Variants in COMMD10 observed in about 807,000 individuals in gnomAD.
COMMD10 encodes the protein COMM domain-containing protein 10.
A neutral mutation model predicts 28.9 loss-of-function variants in COMMD10; 33 were observed. That is an observed-to-expected ratio of 1.14 (90% confidence interval 0.87 to 1.53). The LOEUF is 1.53. Ranked by LOEUF, COMMD10 falls within the 40% of genes most tolerant of loss-of-function variation. COMMD10 has a pLI of 0.00. For synonymous variants in COMMD10, 110 were observed against 81.7 expected (o/e 1.35, Z -1.87); for missense variants, 310 against 233.4 (o/e 1.33, Z -2.14).
chr5:116,219,376 G>A (rs1749187247), intron 5 of COMMD10, among the ~76,000 whole-genome samples: 1 of 152,244 alleles, frequency 6.6e-6, no homozygotes, highest in African/African-American at 2.4e-5. Flanking sequence ...CTGCTACTCT[G>A]TGGACTGTGT....
In COMMD10 at chr5:116,122,742, A is replaced by C. The variant is rs531981211; in HGVS notation, c.400-11326A>C. ...CTAGGTATTTTATTCTCTTTGAAGC[A>C]ATTGTGAATGGGAGTTCACTCATGA... On this transcript the variant is annotated intron_variant, in intron 4 of 6. Coordinates refer to ENST00000274458, the MANE Select transcript of COMMD10 (RefSeq NM_016144.4). Among the ~76,000 whole-genome samples, 299 of 152,304 alleles carry C rather than the reference A, an allele frequency of 2.0e-3. 3 individuals carry two copies. Among genetic ancestry groups the C allele is most frequent in the African/African-American group, 6.7e-3 (279 of 41,568 alleles).
intron 2 of COMMD10, 111 bp from the exon 3 acceptor site, chr5:116,090,968 A>G (rs147730473): frequency 3.5e-5 from 20 of 578,144 alleles, no homozygotes; most frequent in Middle Eastern, 4.0e-4. Context: ...TTCACCATGT[A>G]TTTTTCTTTA....
chr5:116,108,761 C>G (rs1180870600), intron 4 of COMMD10, among the ~76,000 whole-genome samples: 1 of 150,662 alleles, frequency 6.6e-6, no homozygotes, highest in African/African-American at 2.4e-5. Context: ...ACTCCTGCAG[C>G]TAGCCTGGTG....
intron 5 of COMMD10, chr5:116,218,259 C>G (rs1378476892): frequency 4.3e-5 from 32 of 742,750 alleles, no homozygotes; most frequent in Non-Finnish European, 6.8e-5. Context: ...TTGGCTTTAT[C>G]TCCTTTAGCA....
chr5:116,266,891 C>T (rs1750601636), intron 5 of COMMD10, among the ~76,000 whole-genome samples: 1 of 151,876 alleles, frequency 6.6e-6, no homozygotes, highest in Admixed American at 6.6e-5. Context: ...TGACAAAATT[C>T]AACAGCCGTT....
intron 2 of COMMD10, 148 bp downstream of exon 2, chr5:116,087,735 G>A (rs1750155238): frequency 3.3e-6 from 2 of 609,572 alleles, no homozygotes; most frequent in East Asian, 5.5e-5. Flanking sequence ...AATGTTTCAT[G>A]GTCAGAAGTT....
intron 4 of COMMD10, among the ~76,000 whole-genome samples, chr5:116,104,225 A>C (rs1750759317): frequency 1.3e-5 from 2 of 152,194 alleles, no homozygotes; most frequent in Admixed American, 1.3e-4. Context: ...TGAATCTATA[A>C]ATTACTTTGG....
chr5:116,126,002 A>G (rs1751619030), intron 4 of COMMD10, among the ~76,000 whole-genome samples: 1 of 152,212 alleles, frequency 6.6e-6, no homozygotes, highest in Admixed American at 6.5e-5. Context: ...CTGTTTGCAG[A>G]TGAGATGATT....
chr5:116,192,071 C>A (rs1748385782), intron 5 of COMMD10, among the ~76,000 whole-genome samples: 1 of 151,934 alleles, frequency 6.6e-6, no homozygotes, highest in Non-Finnish European at 1.5e-5. Flanking sequence ...GTAATCACTG[C>A]ACACAGTAAT....
chr5:116,258,211 G>A (rs28654138), intron 5 of COMMD10, among the ~76,000 whole-genome samples: 56,770 of 151,334 alleles, frequency 0.38, 13,243 homozygotes, highest in African/African-American at 0.66. Flanking sequence ...TTCTCTTACC[G>A]AATTTCAATA....
At chr5:116,277,450 C>G (rs371622608) in intron 5 of COMMD10, among the ~76,000 whole-genome samples, 9 of 151,940 alleles carry the variant, frequency 5.9e-5, no homozygotes, top group South Asian at 2.1e-4. Context: ...AAATTTTCTT[C>G]TGGATAGTTA....
At chr5:116,254,376 T>A (rs1319431587) in intron 5 of COMMD10, among the ~76,000 whole-genome samples, 1 of 152,054 alleles carries the variant, frequency 6.6e-6, no homozygotes. Context: ...TCTAGTTCTT[T>A]TAATTGTGAT....
intron 5 of COMMD10, among the ~76,000 whole-genome samples, chr5:116,171,729 C>A (rs1389922762): frequency 1.3e-5 from 2 of 152,062 alleles, no homozygotes; most frequent in Non-Finnish European, 2.9e-5. Flanking sequence ...AACACAGGAA[C>A]AGAAAACCAA....
chr5:116,289,668 T>C (rs528829221), intron 5 of COMMD10, among the ~76,000 whole-genome samples: 1 of 151,916 alleles, frequency 6.6e-6, no homozygotes, highest in South Asian at 2.1e-4. Context: ...AGCTCTGGCA[T>C]GGGGGGTGGT....
chr5:116,113,161 T>G (rs566958898), intron 4 of COMMD10, among the ~76,000 whole-genome samples: 2 of 152,326 alleles, frequency 1.3e-5, no homozygotes, highest in South Asian at 4.1e-4. Flanking sequence ...TCCTGCCTTG[T>G]AAGGTTTCTG....
chr5:116,181,158 T>C (rs531841594), intron 5 of COMMD10, among the ~76,000 whole-genome samples: 21 of 152,076 alleles, frequency 1.4e-4, no homozygotes, highest in African/African-American at 4.8e-4. Context: ...AATTATAAAA[T>C]AAAAAAGTCT....
intron 5 of COMMD10, among the ~76,000 whole-genome samples, chr5:116,134,917 G>A (rs866237053): frequency 5.0e-4 from 74 of 149,374 alleles, no homozygotes; most frequent in African/African-American, 1.7e-3. Context: ...CACCGCGCCC[G>A]GCCTACAATT....
At chr5:116,187,117 A>T (rs1403541723) in intron 5 of COMMD10, among the ~76,000 whole-genome samples, 3 of 152,144 alleles carry the variant, frequency 2.0e-5, no homozygotes, top group Non-Finnish European at 4.4e-5. Context: ...CAAAACAAAA[A>T]ACTTTAAAAA....
chr5:116,256,495 A>C (rs926245333), intron 5 of COMMD10, among the ~76,000 whole-genome samples: 3 of 151,674 alleles, frequency 2.0e-5, no homozygotes, highest in Non-Finnish European at 2.9e-5. Flanking sequence ...AAGAATCTTG[A>C]TTAATGGTTC....
Sources: allele counts gnomAD v4.1 joint callset (sites outside exome capture counted in the v4.1 genomes callset), GRCh38; gene constraint gnomAD v4.1.1; transcripts MANE v1.5; gene names NCBI Gene and HGNC (gene_info 2026-07-23, HGNC 2026-07-21).